FTCDNL1: variants seen among roughly 807,000 people sequenced by gnomAD.
FTCDNL1 encodes the protein formiminotransferase N-terminal subdomain-containing protein.
Under a neutral mutation model 5.9 loss-of-function variants are expected in FTCDNL1, and 11 were observed. That is an observed-to-expected ratio of 1.87 (90% CI 1.18 to 3.10). FTCDNL1 has a LOEUF of 3.10. FTCDNL1 is among the 30% of genes most tolerant of loss of function. The pLI is 0.00. For missense variants in FTCDNL1, 115 were observed against 65.5 expected (o/e 1.76, Z -2.61); for synonymous variants, 58 against 24.8 (o/e 2.34, Z -3.99).
At chr2:199,722,123 T>A in the FTCDNL1 span, among the ~76,000 whole-genome samples, 1 of 152,244 alleles carries the variant, frequency 6.6e-6, no homozygotes, top group Non-Finnish European at 1.5e-5. Context: ...AGAAGCTCTT[T>A]AGCTTAATTA....
chr2:199,769,309 G>A (rs944692911), intron 3 of FTCDNL1, among the ~76,000 whole-genome samples: 41 of 152,236 alleles, frequency 2.7e-4, no homozygotes, highest in Admixed American at 1.6e-3. Flanking sequence ...TGGGCCAGGC[G>A]GAGATAATTG....
At chr2:199,764,917 A>C (rs1463029038) in intron 3 of FTCDNL1, among the ~76,000 whole-genome samples, 35 of 152,154 alleles carry the variant, frequency 2.3e-4, no homozygotes, top group Admixed American at 2.2e-3. Context: ...GCCATTGTGA[A>C]GCTTTCTCAA....
downstream of FTCDNL1, among the ~76,000 whole-genome samples, chr2:199,758,386 T>G (rs1423550666): frequency 2.0e-5 from 3 of 151,364 alleles, no homozygotes; most frequent in Admixed American, 2.0e-4. Flanking sequence ...TCAGGTGCCC[T>G]GTATAGTTAA....
intron 3 of FTCDNL1, among the ~76,000 whole-genome samples, chr2:199,820,112 T>C (rs763834639): frequency 2.0e-3 from 303 of 152,360 alleles, no homozygotes; most frequent in Non-Finnish European, 3.5e-3. Flanking sequence ...AATTGGTGCC[T>C]TCAATTTTTG....
At chr2:199,846,645 A>G (rs2076740644) in intron 2 of FTCDNL1, among the ~76,000 whole-genome samples, 3 of 152,152 alleles carry the variant, frequency 2.0e-5, no homozygotes, top group Admixed American at 2.0e-4. Flanking sequence ...GGTTTTTGAG[A>G]CGCATGCACC....
chr2:199,834,806 T>C (rs74598235), intron 3 of FTCDNL1, among the ~76,000 whole-genome samples: 2,068 of 152,344 alleles, frequency 0.014, 44 homozygotes, highest in African/African-American at 0.047. Flanking sequence ...TTCTTCTTTC[T>C]CTACTCTCTT....
intron 3 of FTCDNL1, among the ~76,000 whole-genome samples, chr2:199,839,962 G>A (rs2076538410): frequency 6.6e-6 from 1 of 152,054 alleles, no homozygotes; most frequent in Non-Finnish European, 1.5e-5. Flanking sequence ...AACCAAGAAA[G>A]TCAAAAAAGA....
intron 3 of FTCDNL1, among the ~76,000 whole-genome samples, chr2:199,765,058 G>A (rs1262243193): frequency 6.6e-6 from 1 of 152,114 alleles, no homozygotes; most frequent in Non-Finnish European, 1.5e-5. Flanking sequence ...CAGCAAGGGG[G>A]AATTCAATCC....
chr2:199,762,559 C>A (rs915481124), intron 3 of FTCDNL1, among the ~76,000 whole-genome samples: 5 of 152,054 alleles, frequency 3.3e-5, no homozygotes, highest in Non-Finnish European at 7.4e-5. Context: ...TGCTGTCTCT[C>A]CAGAACTTAG....
chr2:199,681,079 C>T, the FTCDNL1 span, among the ~76,000 whole-genome samples: 110,856 of 152,042 alleles, frequency 0.73, 41,309 homozygotes, highest in South Asian at 0.9. Context: ...AGGGAAAATG[C>T]GAATAGTATT....
chr2:199,744,579 G>C, the FTCDNL1 span, among the ~76,000 whole-genome samples: 1 of 152,340 alleles, frequency 6.6e-6, no homozygotes, highest in Middle Eastern at 3.4e-3. Flanking sequence ...CAGGCTTCCA[G>C]CCTCCAGAAC....
intron 3 of FTCDNL1, among the ~76,000 whole-genome samples, chr2:199,835,887 T>C (rs2949005): frequency 0.61 from 92,773 of 152,038 alleles, 28,517 homozygotes; most frequent in East Asian, 0.73. Flanking sequence ...TGAGGCCCCC[T>C]GGGGCTCCCT....
At position 199,764,673 on chromosome 2, in the gene FTCDNL1, G is replaced by T. The variant is rs190079616; in HGVS notation, c.212-3838C>A. ...GTAGTAAAAGCTGCCTCTTCCCTGA[G>T]TCCAGCGAAATCGGAGGACTCTGGC... On this transcript the variant is annotated intron_variant, in intron 3 of 3. Transcript: ENST00000416668. Among the ~76,000 whole-genome samples the T allele has an allele frequency of 5.3e-5, 8 of 152,316 alleles. 1 individual carries two copies. Among genetic ancestry groups the T allele is most frequent in the Admixed American group, 5.2e-4 (8 of 15,308 alleles).
chr2:199,755,965 G>A (rs1307285315), downstream of FTCDNL1, among the ~76,000 whole-genome samples: 1 of 152,164 alleles, frequency 6.6e-6, no homozygotes, highest in African/African-American at 2.4e-5. Flanking sequence ...CACTTTACAT[G>A]TTCTAAAATA....
intron 3 of FTCDNL1, among the ~76,000 whole-genome samples, chr2:199,836,930 C>A (rs1204905963): frequency 6.6e-6 from 1 of 152,186 alleles, no homozygotes; most frequent in African/African-American, 2.4e-5. Flanking sequence ...CCCCCACAGG[C>A]CAAGTGTTGC....
the FTCDNL1 span, among the ~76,000 whole-genome samples, chr2:199,732,575 T>TA: frequency 0.074 from 11,327 of 152,106 alleles, 608 homozygotes; most frequent in Non-Finnish European, 0.11. Context: ...TAAAATGAGG[T>TA]AGATCTATGG....
the FTCDNL1 span, among the ~76,000 whole-genome samples, chr2:199,688,977 AG>A: frequency 1.3e-5 from 2 of 152,194 alleles, no homozygotes; most frequent in African/African-American, 4.8e-5. Context: ...TCAACCTTGG[AG>A]GCAGAGTTTG....
intron 3 of FTCDNL1, among the ~76,000 whole-genome samples, chr2:199,781,400 A>C (rs1203166719): frequency 6.6e-6 from 1 of 152,154 alleles, no homozygotes; most frequent in Non-Finnish European, 1.5e-5. Context: ...CAGAAGCCCT[A>C]TAAAATTTAC....
the FTCDNL1 span, among the ~76,000 whole-genome samples, chr2:199,721,168 TGTTACACAG>T: frequency 6.6e-6 from 1 of 152,210 alleles, no homozygotes; most frequent in African/African-American, 2.4e-5. Flanking sequence ...TGTGCATCTC[TGTTACACAG>T]GTAAACATGT....
Sources: allele counts gnomAD v4.1 joint callset (sites outside exome capture counted in the v4.1 genomes callset), GRCh38; gene constraint gnomAD v4.1.1; transcripts MANE v1.5; gene names NCBI Gene and HGNC (gene_info 2026-07-23, HGNC 2026-07-21).